The following MYOM2 variants were observed in gnomAD, a reference collection of about 807,000 sequenced individuals.
MYOM2 encodes the protein myomesin-2.
In MYOM2, 254 loss-of-function variants were observed where a neutral mutation model predicts 187.6. The ratio of observed to expected loss-of-function variants is 1.35; its 90% confidence interval spans 1.22 to 1.50. The LOEUF (loss-of-function observed/expected upper bound fraction) is 1.50. MYOM2 is among the 40% of genes most tolerant of loss of function. The pLI, the probability that MYOM2 is intolerant of heterozygous loss-of-function variation, is 0.00. For synonymous variants in MYOM2, 981 were observed against 753.8 expected (o/e 1.30, Z -4.94); for missense variants, 2,796 against 1,924.0 (o/e 1.45, Z -8.48).
In MYOM2 at chr8:2,057,393, C is replaced by T. The variant is rs149813095; in HGVS notation, c.309C>T (p.Arg103=). ...CCTATGGTGAGGCCAAGCGACAGCG[C>T]TTCCTCAGCGAGCTGGCCCACTTGG... The part of the protein sequence containing the change: ...VAAYGEAKRQ[R]FLSELAHLEE... Residue 103 remains arginine (R), a synonymous_variant, in exon 4 of 37, where the codon CGC becomes CGT. Transcript: ENST00000262113. The T allele has an allele frequency of 6.8e-6, 11 of 1,613,818 alleles. No individual in the cohort carries two copies. Among genetic ancestry groups the T allele is most frequent in the Non-Finnish European group, 8.5e-6 (10 of 1,179,976 alleles).
At chr8:2,130,528 C>G (rs1170558297) in intron 32 of MYOM2, among the ~76,000 whole-genome samples, 2 of 152,318 alleles carry the variant, frequency 1.3e-5, no homozygotes, top group African/African-American at 2.4e-5. Context: ...TTTAATATCA[C>G]TGGTTTGCTT....
At chr8:2,134,883 C>T (rs1360472479) in intron 32 of MYOM2, among the ~76,000 whole-genome samples, 1 of 152,186 alleles carries the variant, frequency 6.6e-6, no homozygotes, top group Admixed American at 6.5e-5. Context: ...GAAGTCCTGG[C>T]TCCTGGACAA....
rs190659558 is a variant in MYOM2, at chr8:2,136,343, C to T, written c.3801-4380C>T. Among the ~76,000 whole-genome samples, 334 of 148,094 alleles carry T rather than the reference C, an allele frequency of 2.3e-3. 1 individual carries two copies. The highest frequency in any genetic ancestry group is 8.1e-3 in the African/African-American group (313 of 38,430). ...CTGATCCCAGGGTGGCAGCGGAGGC[C>T]GCAGCTGTGACGGAGGTGGGGCCAG... On this transcript the variant is annotated intron_variant, in intron 32 of 36. Transcript: ENST00000262113.
intron 3 of MYOM2, 71 bp downstream of exon 3, chr8:2,052,384 G>T: frequency 3.4e-6 from 5 of 1,472,080 alleles, no homozygotes; most frequent in Middle Eastern, 2.5e-4. Flanking sequence ...GTGGGGTGAG[G>T]AGGGAAGAGC....
At chr8:2,068,173 T>C (rs1054619431) in intron 6 of MYOM2, among the ~76,000 whole-genome samples, 1 of 151,382 alleles carries the variant, frequency 6.6e-6, no homozygotes, top group Admixed American at 6.6e-5. Flanking sequence ...CTTCAATGCC[T>C]GTGCACACCA....
chr8:2,117,177 C>G (rs1392896186), intron 27 of MYOM2, among the ~76,000 whole-genome samples: 8 of 152,114 alleles, frequency 5.3e-5, no homozygotes, highest in Non-Finnish European at 1.2e-4. Context: ...GTTTTTATTT[C>G]TAATAGTCAC....
At position 2,076,165 on chromosome 8, in the gene MYOM2, C is replaced by T. The variant is rs138100876; in HGVS notation, c.1145C>T (p.Ala382Val). ...VRDADPLVTG[A>V]PGAPMDLQCH... is the part of the protein sequence containing the mutation. ...GATGCTGACCCGCTGGTCACAGGGG[C>T]CCCCGGTGCACCCATGGACTTGCAG... The change falls in exon 11 of 37, where the codon GCC (alanine) becomes GTC (valine). Residue 382 changes from alanine to valine, a missense_variant. Physicochemically the swap from Ala to Val is moderately conservative, Grantham distance 64. Transcript: ENST00000262113. 5.6e-6 allele frequency: 9 copies of T among 1,612,014 alleles called. No individual in the cohort carries two copies. In the East Asian group the frequency reaches 8.9e-5, roughly 16 times the overall value.
intron 32 of MYOM2, among the ~76,000 whole-genome samples, chr8:2,136,193 AGGT>A (rs1798063907): frequency 6.6e-6 from 1 of 152,226 alleles, no homozygotes; most frequent in East Asian, 1.9e-4. Flanking sequence ...TTGGGGTTGA[AGGT>A]GGCTGCTGAT....
At chr8:2,089,900 C>G (rs150579835) in intron 14 of MYOM2, 108 bp from the exon 15 acceptor site, 1 of 995,914 alleles carries the variant, frequency 1.0e-6, no homozygotes, top group East Asian at 2.6e-5. Flanking sequence ...GCAGCGGGCG[C>G]GCCTGGTGGT....
intron 2 of MYOM2, among the ~76,000 whole-genome samples, chr8:2,051,892 T>C (rs1390575859): frequency 6.6e-6 from 1 of 152,176 alleles, no homozygotes; most frequent in Non-Finnish European, 1.5e-5. Context: ...CATGTGCTTG[T>C]GGGAAGGCGT....
At chr8:2,103,136 G>C (rs1013325083) in intron 21 of MYOM2, among the ~76,000 whole-genome samples, 8 of 149,366 alleles carry the variant, frequency 5.4e-5, no homozygotes, top group Non-Finnish European at 1.2e-4. Flanking sequence ...GGGTGGGTGT[G>C]TGTGTAAATG....
In MYOM2 at chr8:2,106,310, A is replaced by G. The variant is rs1261191757; in HGVS notation, c.2803A>G (p.Met935Val). The change falls in exon 22 of 37, where the codon ATG (methionine) becomes GTG (valine). Residue 935 changes from methionine (M) to valine (V), a missense_variant. Transcript: ENST00000262113. ...CTATCTGGGCTTCGACTGCCAGGAA[A>G]TGACAGACGCGTCTCAGTTCACCTG... ...NIYLGFDCQE[M>V]TDASQFTWCK... 6 of 1,614,170 alleles carry G rather than the reference A, an allele frequency of 3.7e-6. No homozygotes were observed. In the South Asian group the frequency reaches 6.6e-5, roughly 18 times the overall value.
intron 6 of MYOM2, among the ~76,000 whole-genome samples, chr8:2,064,382 G>T (rs1402181690): frequency 6.6e-6 from 1 of 152,228 alleles, no homozygotes; most frequent in Non-Finnish European, 1.5e-5. Context: ...ACTTACCCGT[G>T]CCCACCGTGG....
At chr8:2,068,444 A>G (rs1466540192) in intron 6 of MYOM2, among the ~76,000 whole-genome samples, 1 of 149,680 alleles carries the variant, frequency 6.7e-6, no homozygotes, top group Non-Finnish European at 1.5e-5. Context: ...CAGCTCTTCA[A>G]TGCCCGTGTG....
intron 1 of MYOM2, 24 bp from the exon 2 acceptor site, chr8:2,050,731 T>G: frequency 1.4e-6 from 2 of 1,410,218 alleles, no homozygotes; most frequent in Non-Finnish European, 2.0e-6. Context: ...GGGAGCTCAG[T>G]GTTGTGTGTG....
intron 3 of MYOM2, among the ~76,000 whole-genome samples, chr8:2,055,087 GAAGTACCTGGATACTGGGGTAACC>G (rs577084369): frequency 1.7e-4 from 24 of 142,574 alleles, no homozygotes; most frequent in African/African-American, 2.9e-4. Context: ...CTGGGGGAAC[GAAGTACCTGGATACTGGGGTAACC>G]AAGTACCTGG....
intron 32 of MYOM2, among the ~76,000 whole-genome samples, chr8:2,131,070 A>T (rs572191349): frequency 6.6e-6 from 1 of 152,186 alleles, no homozygotes; most frequent in Admixed American, 6.5e-5. Flanking sequence ...TTTGTAGTAC[A>T]GGCCATGCGC....
At chr8:2,095,549 C>A (rs1796451373) in intron 17 of MYOM2, among the ~76,000 whole-genome samples, 1 of 152,174 alleles carries the variant, frequency 6.6e-6, no homozygotes, top group Non-Finnish European at 1.5e-5. Flanking sequence ...GCCTCGGTCT[C>A]CCAAAGTGCT....
At chr8:2,082,140 G>A (rs1256291821) in intron 13 of MYOM2, 1 of 152,196 alleles carries the variant, frequency 6.6e-6, no homozygotes, top group Non-Finnish European at 1.5e-5. Flanking sequence ...GTGACGCTTT[G>A]TGTGCATTGA....
Sources: gnomAD v4.1 joint callset for allele counts (sites outside exome capture counted in the v4.1 genomes callset) on GRCh38, gnomAD v4.1.1 for gene constraint, MANE v1.5 for transcripts, NCBI Gene and HGNC (gene_info 2026-07-23, HGNC 2026-07-21) for gene names.